IDI2: variants seen among roughly 807,000 people sequenced by gnomAD.
The protein encoded by IDI2 is isopentenyl-diphosphate delta-isomerase 2.
IDI2 carries 18 observed loss-of-function variants against 14.8 expected under a neutral mutation model. The observed-to-expected ratio is 1.22, with a 90% CI of 0.84 to 1.80. IDI2 has a LOEUF of 1.80. IDI2 is among the 40% of genes most tolerant of loss of function. The pLI is 0.00. For missense variants in IDI2, 316 were observed against 283.2 expected, an observed-to-expected ratio of 1.12 and a Z score of -0.83; for synonymous variants, 133 against 109.6, an observed-to-expected ratio of 1.21 and a Z score of -1.33.
intron 3 of IDI2, among the ~76,000 whole-genome samples, chr10:1,021,155 A>G (rs1200438028): frequency 6.6e-6 from 1 of 152,176 alleles, no homozygotes. Flanking sequence ...GCAGATGTGC[A>G]CACACATGTC....
intron 1 of IDI2, 142 bp from the exon 2 acceptor site, chr10:1,024,886 G>A: frequency 1.3e-6 from 1 of 752,666 alleles, no homozygotes; most frequent in Non-Finnish European, 2.2e-6. Context: ...ACAGTTCTGA[G>A]ATATGGAAGG....
At chr10:1,025,044 AC>A (rs1832190670) in intron 1 of IDI2, among the ~76,000 whole-genome samples, 1 of 110,570 alleles carries the variant, frequency 9.0e-6, no homozygotes. Context: ...ACACACACAC[AC>A]ACACACAAAA....
chr10:1,019,908 A>T (rs1016673041), intron 4 of IDI2, 74 bp from the exon 5 acceptor site: 5 of 1,110,874 alleles, frequency 4.5e-6, no homozygotes, highest in Non-Finnish European at 6.7e-6. Flanking sequence ...TAGAGAAAAT[A>T]AACACATTTG....
At chr10:1,021,300 G>T (rs1241357216) in intron 3 of IDI2, among the ~76,000 whole-genome samples, 2 of 152,268 alleles carry the variant, frequency 1.3e-5, no homozygotes, top group African/African-American at 4.8e-5. Context: ...CACCAGCTGG[G>T]CTGAGGAAGC....
intron 3 of IDI2, among the ~76,000 whole-genome samples, chr10:1,022,128 G>A (rs919018480): frequency 7.2e-5 from 11 of 152,000 alleles, no homozygotes; most frequent in African/African-American, 2.2e-4. Context: ...GTGTGGTGGC[G>A]GGCGCCTGTA....
intron 3 of IDI2, among the ~76,000 whole-genome samples, chr10:1,021,547 C>G (rs1359607877): frequency 6.6e-6 from 1 of 152,220 alleles, no homozygotes; most frequent in Non-Finnish European, 1.5e-5. Flanking sequence ...TGAATCCACT[C>G]TTGCAAGTAC....
intron 3 of IDI2, among the ~76,000 whole-genome samples, chr10:1,022,234 G>T (rs1409655130): frequency 6.6e-6 from 1 of 150,908 alleles, no homozygotes; most frequent in South Asian, 2.1e-4. Flanking sequence ...ACTCCAGCCT[G>T]GGTGACTGAG....
chr10:1,019,626 T>G lies in IDI2; in HGVS notation c.575A>C (p.Lys192Thr), dbSNP rs1467446692. ...AATGGTTCTTAGCCAGGGGGTGACT[T>G]TGACTTCACCCCTCGCCTCCCTCTC... ...LLEREARGEVKVTPWLRTIAE... is the reference protein window; with the variant it reads ...LLEREARGEVTVTPWLRTIAE... Residue 192 changes from lysine (K) to threonine (T), a missense_variant, in exon 5 of 5, where the codon AAA becomes ACA. Transcript: ENST00000277517. 3 of 1,613,992 alleles carry G rather than the reference T, an allele frequency of 1.9e-6. No homozygotes were observed. In the South Asian group the frequency reaches 3.3e-5, roughly 18 times the overall value.
Position 1,023,061 on chromosome 10 carries a change from C to T in IDI2, c.143-286G>A, listed in dbSNP as rs574322637. ...CTATCAGAGAGATATCGCAGCATTC[C>T]TGGGTGCTGAGCACCATTTACGACA... On this transcript the variant is annotated intron_variant, in intron 2 of 4. Coordinates refer to ENST00000277517, the MANE Select transcript of IDI2 (RefSeq NM_033261.3). Among the ~76,000 whole-genome samples, 4 of 152,292 alleles carry T rather than the reference C, an allele frequency of 2.6e-5. No individual in the cohort carries two copies. The South Asian group carries it at 8.3e-4, about 32-fold the overall frequency.
chr10:1,024,520 C>T (rs1165305283), intron 2 of IDI2, 62 bp downstream of exon 2: 12 of 1,579,960 alleles, frequency 7.6e-6, no homozygotes, highest in Non-Finnish European at 1.0e-5. Flanking sequence ...TCTTAGGTTG[C>T]CGTCGGGTGG....
rs1832047474 is a variant in IDI2, at chr10:1,019,371, T to C, written c.*146A>G. 1 of 574,346 alleles carries C rather than the reference T, an allele frequency of 1.7e-6. No homozygotes were observed. Among genetic ancestry groups the C allele is most frequent in the Admixed American group, 3.4e-5 (1 of 29,576 alleles). The allele number at this position is 574,346 out of a possible 1,614,324, so 35.6% of individuals were successfully genotyped here. Reference sequence around the variant, plus strand: ...GAAAATGAAGATATGACAAAGTTGATGAAAAGGTTGAAATAGTGATTTATA... The same window carrying C: ...GAAAATGAAGATATGACAAAGTTGACGAAAAGGTTGAAATAGTGATTTATA... On this transcript the variant is annotated 3_prime_UTR_variant, in exon 5 of 5. Coordinates refer to ENST00000277517, the MANE Select transcript of IDI2 (RefSeq NM_033261.3).
intron 3 of IDI2, among the ~76,000 whole-genome samples, chr10:1,022,416 T>G (rs984139102): frequency 6.6e-6 from 1 of 152,232 alleles, no homozygotes; most frequent in African/African-American, 2.4e-5. Context: ...TTCCTCTGCA[T>G]TTAAGTAACT....
chr10:1,024,645 T>C lies in IDI2; in HGVS notation c.79A>G (p.Asn27Asp), dbSNP rs1463292585. 1 of 1,613,928 alleles carries C rather than the reference T, an allele frequency of 6.2e-7. No homozygotes were observed. Among genetic ancestry groups the C allele is most frequent in the African/African-American group, 1.3e-5 (1 of 74,876 alleles). Residue 27 changes from asparagine to aspartate, a missense_variant, in exon 2 of 5, where the codon AAT becomes GAT. Transcript: ENST00000277517. ...GTGTCGGCACCAATAACCTTATCAT[T>C]CTCATCCACAACAATCAGCATTTCC... is the stretch of plus-strand genomic sequence containing the variant. ...LEEMLIVVDENDKVIGADTKR... is the reference protein window; with the variant it reads ...LEEMLIVVDEDDKVIGADTKR...
intron 4 of IDI2, among the ~76,000 whole-genome samples, chr10:1,020,550 A>G (rs1832073786): frequency 2.0e-5 from 3 of 152,152 alleles, no homozygotes; most frequent in Admixed American, 1.3e-4. Context: ...TGCCTGGGAC[A>G]CATAGGGACT....
chr10:1,021,725 C>T (rs3829165), intron 3 of IDI2, among the ~76,000 whole-genome samples: 56,479 of 152,092 alleles, frequency 0.37, 11,553 homozygotes, highest in East Asian at 0.55. Flanking sequence ...GCATTCAGCT[C>T]CATCAAGGAG....
intron 4 of IDI2, 90 bp downstream of exon 4, chr10:1,020,677 G>A: frequency 7.6e-7 from 1 of 1,321,552 alleles, no homozygotes; most frequent in Non-Finnish European, 1.0e-6. Context: ...TGAGGTCAAT[G>A]GTGTAGATCC....
chr10:1,019,601 A>C lies in IDI2; in HGVS notation c.600T>G (p.Ile200Met). The change falls in exon 5 of 5, where the codon ATT becomes ATG. Residue 200 changes from isoleucine to methionine, a missense_variant. Physicochemically the swap from Ile to Met is conservative, Grantham distance 10. Coordinates refer to ENST00000277517, the MANE Select transcript of IDI2 (RefSeq NM_033261.3). ...ACCACCGGTACAGAAACCTCTCGGC[A>C]ATGGTTCTTAGCCAGGGGGTGACTT... ...EVKVTPWLRT[I>M]AERFLYRWWP... 6.2e-7 allele frequency: 1 copy of C among 1,613,896 alleles called. No individual in the cohort carries two copies. Among genetic ancestry groups the C allele is most frequent in the Non-Finnish European group, 8.5e-7 (1 of 1,179,972 alleles).
chr10:1,020,440 C>T (rs549183184), intron 4 of IDI2, among the ~76,000 whole-genome samples: 151 of 152,294 alleles, frequency 9.9e-4, no homozygotes, highest in African/African-American at 3.5e-3. Flanking sequence ...CCGCCCGCCT[C>T]GGCCTCCCAA....
At chr10:1,022,087 G>A (rs572590988) in intron 3 of IDI2, among the ~76,000 whole-genome samples, 35 of 152,176 alleles carry the variant, frequency 2.3e-4, no homozygotes, top group Middle Eastern at 3.4e-3. Context: ...GTGAAACCCC[G>A]TCTCTACTAA....
Sources: gnomAD v4.1 joint callset for allele counts (sites outside exome capture counted in the v4.1 genomes callset) on GRCh38, gnomAD v4.1.1 for gene constraint, MANE v1.5 for transcripts, NCBI Gene and HGNC (gene_info 2026-07-23, HGNC 2026-07-21) for gene names.